SCD5: variants seen among roughly 807,000 people sequenced by gnomAD.
The protein encoded by SCD5 is acyl-CoA-desaturase 4.
Under a neutral mutation model 30.4 loss-of-function variants are expected in SCD5, and 20 were observed. The ratio of observed to expected loss-of-function variants is 0.66; its 90% CI spans 0.46 to 0.96. The LOEUF (loss-of-function observed/expected upper bound fraction) is 0.96. Among genes scored for constraint, SCD5 ranks in the 40% least tolerant of loss-of-function variants. The pLI, the probability that SCD5 is intolerant of heterozygous loss-of-function variation, is 0.00. For synonymous variants in SCD5, 173 were observed against 176.4 expected, an observed-to-expected ratio of 0.98 and a Z score of 0.16; for missense variants, 381 against 443.3, an observed-to-expected ratio of 0.86 and a Z score of 1.26.
chr4:82,720,983 T>G (rs543708567), intron 1 of SCD5, among the ~76,000 whole-genome samples: 30 of 152,038 alleles, frequency 2.0e-4, no homozygotes, highest in African/African-American at 7.2e-4. Context: ...AAGACCCCCA[T>G]CTCTACAAAG....
intron 1 of SCD5, among the ~76,000 whole-genome samples, chr4:82,772,833 A>T (rs2148849049): frequency 6.6e-6 from 1 of 152,244 alleles, no homozygotes; most frequent in South Asian, 2.1e-4. Flanking sequence ...ATGACAGCAG[A>T]AAGTGTTTCT....
At chr4:82,639,987 G>T (rs986071300) in intron 3 of SCD5, among the ~76,000 whole-genome samples, 2 of 152,272 alleles carry the variant, frequency 1.3e-5, no homozygotes, top group Admixed American at 1.3e-4. Context: ...CTGAATGCTT[G>T]CAGCAGCTTT....
intron 3 of SCD5, among the ~76,000 whole-genome samples, chr4:82,677,274 C>A (rs1473014533): frequency 6.6e-6 from 1 of 152,166 alleles, no homozygotes; most frequent in Non-Finnish European, 1.5e-5. Flanking sequence ...GGGACTGTTC[C>A]TCTAGGAAAG....
rs574649581 is a variant in SCD5 at position 82,641,358 on chromosome 4, T to G, written c.570-4535A>C. On this transcript the variant is annotated intron_variant, in intron 3 of 4. Transcript: ENST00000319540. Reference sequence around the variant, plus strand: ...GCAGAGATCTATATATCTGGTATATTCTGGCAGGGAAGACAATGAACAATA... The same window carrying G: ...GCAGAGATCTATATATCTGGTATATGCTGGCAGGGAAGACAATGAACAATA... Among the ~76,000 whole-genome samples the G allele has an allele frequency of 7.2e-5, 11 of 151,738 alleles. 1 individual carries two copies. The highest frequency in any genetic ancestry group is 2.2e-4 in the African/African-American group (9 of 41,338).
At chr4:82,726,219 G>C (rs2148833897) in intron 1 of SCD5, among the ~76,000 whole-genome samples, 1 of 152,246 alleles carries the variant, frequency 6.6e-6, no homozygotes, top group South Asian at 2.1e-4. Context: ...AGGAGTTCGA[G>C]ACAGCCTGAC....
intron 1 of SCD5, among the ~76,000 whole-genome samples, chr4:82,793,728 C>T (rs891955936): frequency 6.6e-6 from 1 of 152,160 alleles, no homozygotes; most frequent in Non-Finnish European, 1.5e-5. Context: ...ACTTTAGGAA[C>T]AAACAGTATT....
intron 3 of SCD5, among the ~76,000 whole-genome samples, chr4:82,664,854 T>G (rs1728132791): frequency 1.3e-5 from 2 of 151,340 alleles, no homozygotes; most frequent in Non-Finnish European, 2.9e-5. Flanking sequence ...AGCCATGCAT[T>G]GTGGCTCATG....
chr4:82,666,116 A>G (rs1487904103), intron 3 of SCD5, among the ~76,000 whole-genome samples: 3 of 151,882 alleles, frequency 2.0e-5, no homozygotes, highest in African/African-American at 7.3e-5. Flanking sequence ...AATAATAACT[A>G]AAAATGAATT....
chr4:82,663,637 C>T (rs1728073853), intron 3 of SCD5, among the ~76,000 whole-genome samples: 2 of 152,238 alleles, frequency 1.3e-5, no homozygotes, highest in African/African-American at 4.8e-5. Flanking sequence ...CACATGCTTA[C>T]CGTTCCAATA....
At chr4:82,779,044 T>C (rs942962591) in intron 1 of SCD5, among the ~76,000 whole-genome samples, 1 of 152,102 alleles carries the variant, frequency 6.6e-6, no homozygotes, top group African/African-American at 2.4e-5. Flanking sequence ...TTTGTATTTT[T>C]AGTAGAGACG....
rs564401398 is a variant in SCD5 at position 82,658,395 on chromosome 4, G to A, written c.570-21572C>T. On this transcript the variant is annotated intron_variant, in intron 3 of 4. Coordinates refer to ENST00000319540, the MANE Select transcript of SCD5 (RefSeq NM_001037582.3). ...TGGTTCTGTTTATGTGATGGATTACGTTTATTGATATGTGTATGTTGAACG... is the reference window on the plus strand; with the variant it reads ...TGGTTCTGTTTATGTGATGGATTACATTTATTGATATGTGTATGTTGAACG... 5.3e-5 allele frequency among the ~76,000 whole-genome samples: 8 copies of A among 150,356 alleles called. No homozygotes were observed. The East Asian group carries it at 5.9e-4, about 11-fold the overall frequency.
In SCD5 at chr4:82,679,220, A is replaced by AAAAGAAAG. The variant is rs796703848; in HGVS notation, c.569+1479_569+1486dup. On this transcript the variant is annotated intron_variant, in intron 3 of 4. Coordinates refer to ENST00000319540, the MANE Select transcript of SCD5 (RefSeq NM_001037582.3). The stretch of plus-strand genomic sequence containing the variant: ...TCTCCAAAAAAAAAAAAAAAGAAAG[A>AAAAGAAAG]AAAGAAAGAAAGAAAGAAAGAAAGA... Among the ~76,000 whole-genome samples the AAAAGAAAG allele has an allele frequency of 7.1e-3, 230 of 32,204 alleles. 6 individuals are homozygous for AAAAGAAAG. Among genetic ancestry groups the AAAAGAAAG allele is most frequent in the Non-Finnish European group, 0.01 (176 of 17,456 alleles). 21.1% of individuals were successfully genotyped at this position (32,204 alleles called of 152,430 possible).
chr4:82,656,628 G>T (rs1455799233), intron 3 of SCD5, among the ~76,000 whole-genome samples: 1 of 152,174 alleles, frequency 6.6e-6, no homozygotes, highest in African/African-American at 2.4e-5. Context: ...TAATGGGATT[G>T]CTGGGCCAAA....
At chr4:82,653,735 T>C (rs1399377817) in intron 3 of SCD5, among the ~76,000 whole-genome samples, 1 of 152,100 alleles carries the variant, frequency 6.6e-6, no homozygotes, top group Non-Finnish European at 1.5e-5. Context: ...TATAGATAGA[T>C]AGGCTTTCAA....
chr4:82,635,167 C>T (rs1311771624), intron 4 of SCD5, among the ~76,000 whole-genome samples: 1 of 152,180 alleles, frequency 6.6e-6, no homozygotes, highest in Non-Finnish European at 1.5e-5. Flanking sequence ...AAAGGTAGAG[C>T]TAATATTTCT....
chr4:82,667,284 A>ACACACG (rs796646593), intron 3 of SCD5, among the ~76,000 whole-genome samples: 25,551 of 150,414 alleles, frequency 0.17, 2,334 homozygotes, highest in East Asian at 0.38. Flanking sequence ...ACACACACAC[A>ACACACG]CACGCACGCA....
chr4:82,653,674 A>AAAG (rs1727801573), intron 3 of SCD5, among the ~76,000 whole-genome samples: 2 of 127,190 alleles, frequency 1.6e-5, no homozygotes, highest in African/African-American at 3.0e-5. Flanking sequence ...TTTGAAAGTC[A>AAAG]ATGATAGATA....
At chr4:82,708,439 A>T (rs963792052) in intron 1 of SCD5, among the ~76,000 whole-genome samples, 8 of 152,284 alleles carry the variant, frequency 5.3e-5, no homozygotes, top group African/African-American at 1.9e-4. Flanking sequence ...CATGTGTCAT[A>T]ACTTGGACCC....
Position 82,782,089 on chromosome 4 carries a change from T to C in SCD5, c.232+16217A>G, listed in dbSNP as rs142522290. On this transcript the variant is annotated intron_variant, in intron 1 of 4. Transcript: ENST00000319540. The stretch of plus-strand genomic sequence containing the variant: ...GAAACACTTACAAAGGACCCTCCTA[T>C]CTTGGGTCACAGAGAAGACTAAATC... Among the ~76,000 whole-genome samples, 689 of 150,552 alleles carry C rather than the reference T, an allele frequency of 4.6e-3. 2 individuals are homozygous for C. Among genetic ancestry groups the C allele is most frequent in the African/African-American group, 0.016 (660 of 40,884 alleles).
Sources: gnomAD v4.1 joint callset for allele counts (sites outside exome capture counted in the v4.1 genomes callset) on GRCh38, gnomAD v4.1.1 for gene constraint, MANE v1.5 for transcripts, NCBI Gene and HGNC (gene_info 2026-07-23, HGNC 2026-07-21) for gene names.